The following RBFOX1 variants were observed in gnomAD, a reference collection of about 807,000 sequenced individuals.
RBFOX1 encodes RNA binding fox-1 homolog 1.
In RBFOX1, 8 loss-of-function variants were observed where a neutral mutation model predicts 57.7. The observed-to-expected ratio is 0.14, with a 90% CI of 0.08 to 0.25. The LOEUF is 0.25. RBFOX1 is among the 10% of genes least tolerant of loss of function. The probability of loss-of-function intolerance (pLI) is 1.00; values close to 1 mark genes in which losing one functional copy is unlikely to be tolerated. For synonymous variants in RBFOX1, 326 were observed against 222.4 expected, an observed-to-expected ratio of 1.47 and a Z score of -4.15; for missense variants, 611 against 548.5, an observed-to-expected ratio of 1.11 and a Z score of -1.14.
chr16:5,878,437 G>C (rs562057181), intron 4 of RBFOX1, among the ~76,000 whole-genome samples: 3 of 152,164 alleles, frequency 2.0e-5, no homozygotes, highest in Non-Finnish European at 4.4e-5. Flanking sequence ...GACCCACTCA[G>C]GGCCATATGG....
chr16:7,250,061 C>G (rs113979198), intron 4 of RBFOX1, among the ~76,000 whole-genome samples: 1,685 of 152,252 alleles, frequency 0.011, 36 homozygotes, highest in African/African-American at 0.038. Context: ...CTAAGAATCC[C>G]TCCCCCTTTT....
chr16:7,223,372 G>A (rs1337374357), intron 4 of RBFOX1, among the ~76,000 whole-genome samples: 2 of 152,184 alleles, frequency 1.3e-5, no homozygotes, highest in Non-Finnish European at 2.9e-5. Flanking sequence ...TTCAGAGTTT[G>A]GTAAGTCTCT....
At chr16:6,864,157 G>A (rs940189934) in intron 3 of RBFOX1, among the ~76,000 whole-genome samples, 9 of 151,986 alleles carry the variant, frequency 5.9e-5, no homozygotes, top group African/African-American at 2.2e-4. Flanking sequence ...TCATTTCAGG[G>A]AAATTATTTT....
chr16:6,380,265 A>T (rs1179490764), intron 2 of RBFOX1, among the ~76,000 whole-genome samples: 2 of 152,064 alleles, frequency 1.3e-5, no homozygotes, highest in East Asian at 3.9e-4. Context: ...TAGTGAAGAA[A>T]ACAATCCAAT....
At chr16:7,113,415 TC>T (rs1486682418) in intron 4 of RBFOX1, among the ~76,000 whole-genome samples, 10 of 152,208 alleles carry the variant, frequency 6.6e-5, no homozygotes, top group Admixed American at 6.5e-4. Context: ...CCCTTCTTTC[TC>T]ATCTACTTGC....
intron 4 of RBFOX1, among the ~76,000 whole-genome samples, chr16:7,335,643 C>T (rs1359889329): frequency 6.7e-6 from 1 of 148,592 alleles, no homozygotes; most frequent in Non-Finnish European, 1.5e-5. Context: ...GTGTGCCAGA[C>T]TTTAAGACGG....
intron 4 of RBFOX1, among the ~76,000 whole-genome samples, chr16:7,367,885 T>TACACAC (rs34277471): frequency 0.12 from 18,217 of 148,328 alleles, 1,191 homozygotes; most frequent in East Asian, 0.16. Context: ...CATGCGTGCA[T>TACACAC]ACACACACAC....
At chr16:6,481,476 C>T (rs114177124) in intron 2 of RBFOX1, among the ~76,000 whole-genome samples, 1,829 of 152,326 alleles carry the variant, frequency 0.012, 44 homozygotes, top group African/African-American at 0.04. Flanking sequence ...CCATCGGCCA[C>T]CCGCACCATG....
intron 3 of RBFOX1, among the ~76,000 whole-genome samples, chr16:5,865,424 A>G (rs1013494893): frequency 1.3e-5 from 2 of 152,164 alleles, no homozygotes; most frequent in African/African-American, 4.8e-5. Context: ...TGGGCCCCGG[A>G]TTCATGGCTT....
intron 2 of RBFOX1, among the ~76,000 whole-genome samples, chr16:6,461,408 A>G (rs2094918021): frequency 2.6e-5 from 4 of 152,320 alleles, no homozygotes; most frequent in Admixed American, 2.0e-4. Flanking sequence ...ACTTCAACGT[A>G]TGAATTTTGA....
intron 1 of RBFOX1, among the ~76,000 whole-genome samples, chr16:6,198,894 G>T (rs1056177920): frequency 1.3e-5 from 2 of 150,780 alleles, no homozygotes; most frequent in South Asian, 2.1e-4. Context: ...CTCTAAACAG[G>T]TTTTTTTTTC....
intron 3 of RBFOX1, among the ~76,000 whole-genome samples, chr16:5,669,709 C>T (rs377763177): frequency 8.5e-5 from 13 of 152,256 alleles, no homozygotes; most frequent in African/African-American, 2.4e-4. Flanking sequence ...TGAGCCACCA[C>T]GCCGGGCCCA....
chr16:7,074,915 T>C (rs1328067139), intron 4 of RBFOX1, among the ~76,000 whole-genome samples: 1 of 152,080 alleles, frequency 6.6e-6, no homozygotes, highest in Non-Finnish European at 1.5e-5. Flanking sequence ...TGAGACATTG[T>C]GAAAACTTCT....
intron 11 of RBFOX1, among the ~76,000 whole-genome samples, chr16:7,637,482 C>T (rs2061963561): frequency 6.6e-6 from 1 of 152,140 alleles, no homozygotes; most frequent in Non-Finnish European, 1.5e-5. Flanking sequence ...GTGGCAGAAA[C>T]ATACATAAAT....
intron 3 of RBFOX1, among the ~76,000 whole-genome samples, chr16:5,607,870 C>G (rs1358010420): frequency 6.6e-6 from 1 of 152,188 alleles, no homozygotes; most frequent in African/African-American, 2.4e-5. Flanking sequence ...ACTAGCTACT[C>G]TTTTTAATGG....
At chr16:7,501,546 G>C (rs533094874) in intron 4 of RBFOX1, among the ~76,000 whole-genome samples, 17 of 152,166 alleles carry the variant, frequency 1.1e-4, no homozygotes, top group Non-Finnish European at 1.9e-4. Context: ...CAGGTCTTCA[G>C]CCCAGCTCTA....
chr16:6,426,841 C>G (rs1466327842), intron 2 of RBFOX1, among the ~76,000 whole-genome samples: 2 of 152,172 alleles, frequency 1.3e-5, no homozygotes, highest in African/African-American at 4.8e-5. Context: ...GGGTTCTGCC[C>G]ATAGCAGGCT....
At chr16:6,666,596 G>T (rs535740919) in intron 3 of RBFOX1, among the ~76,000 whole-genome samples, 7 of 151,512 alleles carry the variant, frequency 4.6e-5, no homozygotes, top group Admixed American at 4.6e-4. Flanking sequence ...TGGTAACTGT[G>T]GAGGTGGGAT....
chr16:5,994,184 CAG>C (rs1475216172), intron 4 of RBFOX1, among the ~76,000 whole-genome samples: 1 of 152,178 alleles, frequency 6.6e-6, no homozygotes, highest in Non-Finnish European at 1.5e-5. Context: ...GTTTTTGAGA[CAG>C]AGTCTTGCTC....
Sources: gnomAD v4.1 joint callset for allele counts (sites outside exome capture counted in the v4.1 genomes callset) on GRCh38, gnomAD v4.1.1 for gene constraint, MANE v1.5 for transcripts, NCBI Gene and HGNC (gene_info 2026-07-23, HGNC 2026-07-21) for gene names.